Variants in LRRC4C observed in about 807,000 individuals in gnomAD.
LRRC4C encodes the protein leucine rich repeat containing 4C.
In LRRC4C, 5 loss-of-function variants were observed where a neutral mutation model predicts 33.6. The observed-to-expected ratio is 0.15, with a 90% CI of 0.08 to 0.31. The LOEUF (loss-of-function observed/expected upper bound fraction) is 0.31. LRRC4C is among the 10% of genes least tolerant of loss of function. The pLI is 1.00. For synonymous variants in LRRC4C, 329 were observed against 302.0 expected, an observed-to-expected ratio of 1.09 and a Z score of -0.93; for missense variants, 560 against 796.7, an observed-to-expected ratio of 0.70 and a Z score of 3.58.
chr11:40,732,154 G>A (rs1254461077), intron 2 of LRRC4C, among the ~76,000 whole-genome samples: 3 of 151,992 alleles, frequency 2.0e-5, no homozygotes, highest in Admixed American at 1.3e-4. Flanking sequence ...TATAAATGCT[G>A]GGTAAAGTTC....
At chr11:40,990,652 A>G (rs557882168) in intron 1 of LRRC4C, among the ~76,000 whole-genome samples, 38 of 152,318 alleles carry the variant, frequency 2.5e-4, no homozygotes, top group Admixed American at 3.3e-4. Context: ...GACATTCTCA[A>G]TGATGATATA....
chr11:41,365,704 T>G (rs965911741), intron 1 of LRRC4C, among the ~76,000 whole-genome samples: 2 of 152,206 alleles, frequency 1.3e-5, no homozygotes, highest in African/African-American at 4.8e-5. Context: ...ACTAAACAAT[T>G]ACATTGTCCT....
At chr11:40,194,707 C>T (rs1862113176) in intron 5 of LRRC4C, among the ~76,000 whole-genome samples, 3 of 152,090 alleles carry the variant, frequency 2.0e-5, no homozygotes, top group Admixed American at 2.0e-4. Context: ...CACCACGGCA[C>T]ATGTATACCT....
chr11:40,339,516 G>C (rs1367795362), intron 3 of LRRC4C, among the ~76,000 whole-genome samples: 1 of 152,186 alleles, frequency 6.6e-6, no homozygotes, highest in East Asian at 1.9e-4. Context: ...TATATTTACT[G>C]CATTGTTCTC....
chr11:41,015,941 G>A (rs1273935923), intron 1 of LRRC4C, among the ~76,000 whole-genome samples: 6 of 152,066 alleles, frequency 3.9e-5, no homozygotes, highest in Non-Finnish European at 5.9e-5. Flanking sequence ...AGTGAGCCGA[G>A]ATCGCGCCAC....
At chr11:41,197,449 G>C (rs1300182070) in intron 1 of LRRC4C, among the ~76,000 whole-genome samples, 1 of 151,972 alleles carries the variant, frequency 6.6e-6, no homozygotes, top group Non-Finnish European at 1.5e-5. Flanking sequence ...CTATTTGCTT[G>C]TCCTACACAT....
At chr11:40,368,284 G>C (rs74487457) in intron 3 of LRRC4C, among the ~76,000 whole-genome samples, 4,813 of 152,126 alleles carry the variant, frequency 0.032, 237 homozygotes, top group African/African-American at 0.1. Flanking sequence ...AACTTCAGTG[G>C]AGCCTTGAAA....
chr11:41,341,609 C>T (rs1208280054), intron 1 of LRRC4C, among the ~76,000 whole-genome samples: 1 of 152,214 alleles, frequency 6.6e-6, no homozygotes, highest in East Asian at 1.9e-4. Flanking sequence ...AGTTATCTAC[C>T]TTATGAAGAA....
intron 1 of LRRC4C, among the ~76,000 whole-genome samples, chr11:41,043,401 A>G (rs1857569136): frequency 6.6e-6 from 1 of 152,148 alleles, no homozygotes; most frequent in East Asian, 1.9e-4. Context: ...AACTTAAATG[A>G]AACTTTACTT....
At chr11:41,293,700 T>C (rs1950055621) in intron 1 of LRRC4C, among the ~76,000 whole-genome samples, 1 of 152,022 alleles carries the variant, frequency 6.6e-6, no homozygotes, top group South Asian at 2.1e-4. Flanking sequence ...TGGGTTCAAG[T>C]GATTCTCCTG....
chr11:40,931,692 GTAGA>G (rs1247445174), intron 2 of LRRC4C, among the ~76,000 whole-genome samples: 1 of 151,848 alleles, frequency 6.6e-6, no homozygotes, highest in Admixed American at 6.6e-5. Flanking sequence ...ATACATATGC[GTAGA>G]TACTTATAAT....
intron 5 of LRRC4C, among the ~76,000 whole-genome samples, chr11:40,237,189 G>A (rs547261896): frequency 8.5e-5 from 13 of 152,308 alleles, no homozygotes; most frequent in African/African-American, 3.1e-4. Context: ...GCCCATATAT[G>A]TTAGGTCCAA....
At chr11:40,278,578 A>G (rs1943268665) in intron 4 of LRRC4C, among the ~76,000 whole-genome samples, 1 of 152,222 alleles carries the variant, frequency 6.6e-6, no homozygotes, top group Non-Finnish European at 1.5e-5. Flanking sequence ...CAAAAATTGC[A>G]TGAATGCAGA....
At chr11:40,948,420 G>A (rs1172302778) in intron 1 of LRRC4C, among the ~76,000 whole-genome samples, 2 of 151,178 alleles carry the variant, frequency 1.3e-5, no homozygotes, top group African/African-American at 2.4e-5. Flanking sequence ...ACAATGTGCA[G>A]GTTAGTTACA....
chr11:40,260,771 C>T (rs765687732), intron 4 of LRRC4C, among the ~76,000 whole-genome samples: 44 of 152,074 alleles, frequency 2.9e-4, no homozygotes, highest in Non-Finnish European at 5.6e-4. Context: ...TATTTCTTTT[C>T]GTGATATACC....
At chr11:41,005,098 CT>C (rs1253063554) in intron 1 of LRRC4C, among the ~76,000 whole-genome samples, 2 of 152,160 alleles carry the variant, frequency 1.3e-5, no homozygotes, top group African/African-American at 4.8e-5. Flanking sequence ...CTCCCTCCCC[CT>C]GATGTGATGT....
chr11:40,838,525 T>C (rs899520932), intron 2 of LRRC4C, among the ~76,000 whole-genome samples: 19 of 152,176 alleles, frequency 1.2e-4, no homozygotes, highest in African/African-American at 3.9e-4. Context: ...AGCTTGCCAA[T>C]GAACATGAAT....
At chr11:41,142,082 C>T (rs945694131) in intron 1 of LRRC4C, among the ~76,000 whole-genome samples, 4 of 152,030 alleles carry the variant, frequency 2.6e-5, no homozygotes, top group Non-Finnish European at 5.9e-5. Flanking sequence ...TTTTTTATTA[C>T]AATTACAAAA....
At chr11:41,240,739 A>C (rs1158603995) in intron 1 of LRRC4C, among the ~76,000 whole-genome samples, 1 of 152,172 alleles carries the variant, frequency 6.6e-6, no homozygotes, top group African/African-American at 2.4e-5. Flanking sequence ...TCATTGGAGA[A>C]AGGATAAGGA....
Sources: gnomAD v4.1 joint callset for allele counts (sites outside exome capture counted in the v4.1 genomes callset) on GRCh38, gnomAD v4.1.1 for gene constraint, MANE v1.5 for transcripts, NCBI Gene and HGNC (gene_info 2026-07-23, HGNC 2026-07-21) for gene names.